ASB18: variants seen among roughly 807,000 people sequenced by gnomAD.
ASB18 encodes ankyrin repeat and SOCS box protein 18.
In ASB18, 33 loss-of-function variants were observed where a neutral mutation model predicts 33.4. The ratio of observed to expected loss-of-function variants is 0.99; its 90% CI spans 0.75 to 1.32. The LOEUF is 1.32. Among genes scored for constraint, ASB18 ranks in the 40% most tolerant of loss-of-function variants. The pLI is 0.00. For synonymous variants in ASB18, 295 were observed against 307.6 expected, an observed-to-expected ratio of 0.96 and a Z score of 0.43; for missense variants, 694 against 655.5, an observed-to-expected ratio of 1.06 and a Z score of -0.64.
rs186321602 is a variant in ASB18 at position 236,221,924 on chromosome 2, G to A, written c.597-7058C>T. Among the ~76,000 whole-genome samples, 1 of 152,342 alleles carries A rather than the reference G, an allele frequency of 6.6e-6. No homozygotes were observed. The highest frequency in any genetic ancestry group is 2.4e-5 in the African/African-American group (1 of 41,578). On this transcript the variant is annotated intron_variant, in intron 3 of 5. Transcript: ENST00000409749. This position sits in a 1 kb window ranked among gnomAD's most constrained non-coding sequence, Gnocchi z 5.6. ...GATGGGCTAGAGACATGTCCCAGGG[G>A]AAGGGTGGCTGCAGCTGAAGGCTGG...
At chr2:236,197,822 C>CAAAA (rs35276424) in intron 4 of ASB18, among the ~76,000 whole-genome samples, 1 of 146,618 alleles carries the variant, frequency 6.8e-6, no homozygotes, top group Non-Finnish European at 1.5e-5. Context: ...AACTCAGTCT[C>CAAAA]AAAAAAAAAA....
chr2:236,214,789 A>G lies in ASB18; in HGVS notation c.674T>C (p.Val225Ala). 3 of 1,203,698 alleles carry G rather than the reference A, an allele frequency of 2.5e-6. No individual in the cohort carries two copies. Among genetic ancestry groups the G allele is most frequent in the Non-Finnish European group, 3.1e-6 (3 of 969,492 alleles). 74.6% of individuals were successfully genotyped at this position (1,203,698 alleles called of 1,614,324 possible). ...CTCGTCCAGGCCGCGCTGCGCCGCCACGTGCAGCGGCGTGTCCCGGCCCGT... is the reference window on the plus strand; with the variant it reads ...CTCGTCCAGGCCGCGCTGCGCCGCCGCGTGCAGCGGCGTGTCCCGGCCCGT... ...GGTGRDTPLH[V>A]AAQRGLDEHA... The change falls in exon 4 of 6, where the codon GTG becomes GCG. Residue 225 changes from valine (V) to alanine (A), a missense_variant. Coordinates refer to ENST00000409749, the MANE Select transcript of ASB18 (RefSeq NM_212556.4). The surrounding 1 kb of genome is among the most constrained non-coding windows in gnomAD (Gnocchi z 6.5).
At chr2:236,207,483 C>T (rs964644694) in intron 4 of ASB18, among the ~76,000 whole-genome samples, 1 of 152,198 alleles carries the variant, frequency 6.6e-6, no homozygotes, top group African/African-American at 2.4e-5. Flanking sequence ...TTCTATTTTT[C>T]GGTTTGTCCT....
chr2:236,253,859 ACCT>A lies in ASB18; in HGVS notation c.205+10279_205+10281del, dbSNP rs2060680075. 6.6e-6 allele frequency: 1 copy of A among 151,968 alleles called. No individual in the cohort carries two copies. The highest frequency in any genetic ancestry group is 1.5e-5 in the Non-Finnish European group (1 of 68,000). 9.4% of individuals were successfully genotyped at this position (151,968 alleles called of 1,614,324 possible). On this transcript the variant is annotated intron_variant, in intron 1 of 5. Coordinates refer to ENST00000409749, the MANE Select transcript of ASB18 (RefSeq NM_212556.4). The surrounding 1 kb of genome is among the most constrained non-coding windows in gnomAD (Gnocchi z 5.4). Reference sequence around the variant, plus strand: ...TCAAACACTTCCCAGAGTGACTCCCACCTCCTACCACATTCAGAGTAGCCCCTG... The same window carrying A: ...TCAAACACTTCCCAGAGTGACTCCCACCTACCACATTCAGAGTAGCCCCTG...
intron 1 of ASB18, among the ~76,000 whole-genome samples, chr2:236,258,960 T>C (rs577845302): frequency 1.3e-5 from 2 of 152,318 alleles, no homozygotes; most frequent in Non-Finnish European, 2.9e-5. Context: ...ACATCCTTAA[T>C]AATAGCAATT....
chr2:236,199,287 G>A (rs571536333), intron 4 of ASB18, among the ~76,000 whole-genome samples: 23 of 151,658 alleles, frequency 1.5e-4, no homozygotes, highest in Admixed American at 7.9e-4. Context: ...TGGTGCACGC[G>A]TGTAATCCCA....
intron 4 of ASB18, among the ~76,000 whole-genome samples, chr2:236,206,123 A>T (rs2060431408): frequency 6.6e-6 from 1 of 150,690 alleles, no homozygotes; most frequent in Non-Finnish European, 1.5e-5. Context: ...CTTCTGCAGT[A>T]ACATCACTTA....
chr2:236,230,249 C>T (rs1160775387), intron 3 of ASB18, among the ~76,000 whole-genome samples: 1 of 151,362 alleles, frequency 6.6e-6, no homozygotes, highest in African/African-American at 2.4e-5. Flanking sequence ...TAATGCTCTA[C>T]CCAGCAAAAA....
chr2:236,253,727 A>G lies in ASB18; in HGVS notation c.205+10414T>C, dbSNP rs2060679300. On this transcript the variant is annotated intron_variant, in intron 1 of 5. Transcript: ENST00000409749. The surrounding 1 kb of genome is among the most constrained non-coding windows in gnomAD (Gnocchi z 5.4). ...AATACAATGAAATTAGTTACCGGCAAAAATAAAACCGAAAAACGACAGGTA... is the reference window on the plus strand; with the variant it reads ...AATACAATGAAATTAGTTACCGGCAGAAATAAAACCGAAAAACGACAGGTA... The G allele has an allele frequency of 6.6e-6, 1 of 152,182 alleles. No homozygotes were observed. Among genetic ancestry groups the G allele is most frequent in the African/African-American group, 2.4e-5 (1 of 41,446 alleles). 9.4% of individuals were successfully genotyped at this position (152,182 alleles called of 1,614,324 possible). A position where few individuals can be genotyped will look rare whatever the true frequency, so the allele number is the denominator to read the frequency against.
In ASB18 at chr2:236,226,884, TAGAG is replaced by T. The variant is rs1280908988; in HGVS notation, c.596+10801_596+10804del. 1.3e-5 allele frequency among the ~76,000 whole-genome samples: 2 copies of T among 152,316 alleles called. No individual in the cohort carries two copies. Among genetic ancestry groups the T allele is most frequent in the African/African-American group, 4.8e-5 (2 of 41,558 alleles). On this transcript the variant is annotated intron_variant, in intron 3 of 5. Coordinates refer to ENST00000409749, the MANE Select transcript of ASB18 (RefSeq NM_212556.4). This position sits in a 1 kb window ranked among gnomAD's most constrained non-coding sequence, Gnocchi z 4.8. Reference sequence around the variant, plus strand: ...TTTCAGAGGAGTTGCAAAGATAGCATAGAGAGTTTCTGAATACGCTTCACCCAGC... The same window carrying T: ...TTTCAGAGGAGTTGCAAAGATAGCATAGTTTCTGAATACGCTTCACCCAGC...
chr2:236,201,442 C>T (rs1249980277), intron 4 of ASB18, among the ~76,000 whole-genome samples: 1 of 152,174 alleles, frequency 6.6e-6, no homozygotes, highest in African/African-American at 2.4e-5. Flanking sequence ...ATGTGAGCCA[C>T]TACACCCGGC....
At chr2:236,202,023 C>G (rs2060405718) in intron 4 of ASB18, among the ~76,000 whole-genome samples, 1 of 151,934 alleles carries the variant, frequency 6.6e-6, no homozygotes, top group Non-Finnish European at 1.5e-5. Context: ...GATCTTGGCT[C>G]ACTGCAACCT....
chr2:236,232,743 A>G (rs2060572095), intron 3 of ASB18, among the ~76,000 whole-genome samples: 1 of 152,142 alleles, frequency 6.6e-6, no homozygotes, highest in Non-Finnish European at 1.5e-5. Flanking sequence ...TCAAAAAAAA[A>G]GAAATAATCT....
In ASB18 at chr2:236,236,854, C is replaced by T. The variant is rs560356410; in HGVS notation, c.596+835G>A. Among the ~76,000 whole-genome samples the T allele has an allele frequency of 7.9e-5, 12 of 152,330 alleles. No individual in the cohort carries two copies. In the East Asian group the frequency reaches 2.3e-3, roughly 29 times the overall value. ...TTAATCTTCCCCCAGAGACAGAAGG[C>T]CATGCAATGACAACTCCAAGGGCAG... On this transcript the variant is annotated intron_variant, in intron 3 of 5. Coordinates refer to ENST00000409749, the MANE Select transcript of ASB18 (RefSeq NM_212556.4).
At chr2:236,258,793 T>C (rs886412288) in intron 1 of ASB18, among the ~76,000 whole-genome samples, 1 of 152,204 alleles carries the variant, frequency 6.6e-6, no homozygotes, top group Non-Finnish European at 1.5e-5. Flanking sequence ...GATCTCTTAA[T>C]AAAAACTCAA....
chr2:236,247,270 T>A (rs963113665), intron 1 of ASB18: 3 of 143,414 alleles, frequency 2.1e-5, no homozygotes, highest in Admixed American at 6.7e-5. Flanking sequence ...CACATGTTGA[T>A]GATTACATTA....
At position 236,200,947 on chromosome 2, in the gene ASB18, A is replaced by T. The variant is rs1013115151; in HGVS notation, c.1102-4562T>A. Among the ~76,000 whole-genome samples the T allele has an allele frequency of 2.6e-5, 4 of 151,958 alleles. No individual in the cohort carries two copies. The highest frequency in any genetic ancestry group is 7.2e-5 in the African/African-American group (3 of 41,452). The stretch of plus-strand genomic sequence containing the variant: ...ATTAACTCCTTTCTCCTATCTCCTT[A>T]GGTATGTTTTGTTTGTCTTTCATGC... On this transcript the variant is annotated intron_variant, in intron 4 of 5. Transcript: ENST00000409749. The surrounding 1 kb of genome is among the most constrained non-coding windows in gnomAD (Gnocchi z 4.2).
rs748638019 is a variant in ASB18, at chr2:236,241,341, A to G, written c.267T>C (p.Phe89=). 38 of 1,608,370 alleles carry G rather than the reference A, an allele frequency of 2.4e-5. No individual in the cohort carries two copies. The highest frequency in any genetic ancestry group is 2.7e-5 in the Non-Finnish European group (32 of 1,174,892). The stretch of plus-strand genomic sequence containing the variant: ...ATTCCATCTCATCCTTATTGATCTC[A>G]AACACCACGTTGGCATCCTGGAAGA... ...DQFFQDANVV[F]EINKDEMEWQ... Residue 89 remains phenylalanine (F), a synonymous_variant, in exon 2 of 6, where the codon TTT becomes TTC. Transcript: ENST00000409749. The surrounding 1 kb of genome is among the most constrained non-coding windows in gnomAD (Gnocchi z 4.2).
rs1490291524 is a variant in ASB18 at position 236,259,766 on chromosome 2, T to C, written c.205+4375A>G. 1.3e-5 allele frequency among the ~76,000 whole-genome samples: 2 copies of C among 152,208 alleles called. No homozygotes were observed. Among genetic ancestry groups the C allele is most frequent in the Non-Finnish European group, 2.9e-5 (2 of 68,020 alleles). On this transcript the variant is annotated intron_variant, in intron 1 of 5. Coordinates refer to ENST00000409749, the MANE Select transcript of ASB18 (RefSeq NM_212556.4). The surrounding 1 kb of genome is among the most constrained non-coding windows in gnomAD (Gnocchi z 4.4). ...TTCACAAGGGCACAGGCCAGTTGCC[T>C]GTTTAAGAGAATTCTGACTGATGGC... is the stretch of plus-strand genomic sequence containing the variant.
Sources: allele counts gnomAD v4.1 joint callset (sites outside exome capture counted in the v4.1 genomes callset), GRCh38; gene constraint gnomAD v4.1.1; non-coding constraint Gnocchi (gnomAD v3.1); transcripts MANE v1.5; gene names NCBI Gene and HGNC (gene_info 2026-07-23, HGNC 2026-07-21).